Variants in SIK2 observed in about 807,000 individuals in gnomAD.
SIK2 encodes salt inducible kinase 2, also known as serine/threonine-protein kinase SIK2.
In SIK2, 29 loss-of-function variants were observed where a neutral mutation model predicts 103.2. The observed-to-expected ratio is 0.28, with a 90% confidence interval of 0.21 to 0.38. The LOEUF is 0.38. SIK2 is among the 10% of genes least tolerant of loss of function. The pLI, the probability that SIK2 is intolerant of heterozygous loss-of-function variation, is 1.00. For synonymous variants in SIK2, 412 were observed against 446.1 expected (o/e 0.92, Z 0.96); for missense variants, 879 against 1,171.0 (o/e 0.75, Z 3.64).
intron 3 of SIK2, among the ~76,000 whole-genome samples, chr11:111,679,219 A>G (rs957170167): frequency 1.3e-5 from 2 of 152,238 alleles, no homozygotes; most frequent in African/African-American, 4.8e-5. Context: ...AAGTTTGACT[A>G]TATTTGCCTT....
chr11:111,628,416 A>ATCTTTCTC (rs1941989828), intron 3 of SIK2, among the ~76,000 whole-genome samples: 1 of 125,574 alleles, frequency 8.0e-6, no homozygotes. Flanking sequence ...CCGCTTTCAT[A>ATCTTTCTC]TCTTTCTTTC....
chr11:111,721,148 T>G, intron 12 of SIK2, 86 bp downstream of exon 12: 1 of 1,463,292 alleles, frequency 6.8e-7, no homozygotes, highest in African/African-American at 1.4e-5. Flanking sequence ...ACTTAGAGGA[T>G]TTCCTCCAGT....
At position 111,730,593 on chromosome 11, in the gene SIK2, CTTTTT is replaced by C. The variant is rs200758304; in HGVS notation, c.*6468_*6472del. The C allele has an allele frequency of 2.0e-5, 3 of 150,742 alleles. No homozygotes were observed. Among genetic ancestry groups the C allele is most frequent in the African/African-American group, 7.3e-5 (3 of 40,832 alleles). The allele number at this position is 150,742 out of a possible 1,614,324, so 9.3% of individuals were successfully genotyped here. ...TAACTGTAGTTATATTTTCTGTGTG[CTTTTT>C]TTTAATTACTAAGAAAAAAATTGGT... On this transcript the variant is annotated 3_prime_UTR_variant, in exon 15 of 15. Transcript: ENST00000304987.
chr11:111,724,427 C>T lies in SIK2; in HGVS notation c.*298C>T. The T allele has an allele frequency of 2.4e-6, 1 of 411,554 alleles. No homozygotes were observed. Among genetic ancestry groups the T allele is most frequent in the South Asian group, 3.3e-5 (1 of 30,436 alleles). 25.5% of individuals were successfully genotyped at this position (411,554 alleles called of 1,614,324 possible). A position where few individuals can be genotyped will look rare whatever the true frequency, so the allele number is the denominator to read the frequency against. On this transcript the variant is annotated 3_prime_UTR_variant, in exon 15 of 15. Transcript: ENST00000304987. ...ACTGACAAATGTGTTCCTAAGAAGA[C>T]ATTCAGACCCAGGTGTTATGCAGGA...
intron 4 of SIK2, among the ~76,000 whole-genome samples, chr11:111,692,983 A>C (rs563689486): frequency 6.6e-6 from 1 of 152,282 alleles, no homozygotes; most frequent in Admixed American, 6.5e-5. Context: ...CATTTTAATA[A>C]ATAACAGAAA....
rs546484216 is a variant in SIK2 at position 111,674,748 on chromosome 11, A to G, written c.317-13253A>G. 1.8e-3 allele frequency among the ~76,000 whole-genome samples: 275 copies of G among 151,846 alleles called. 1 individual carries two copies. Among genetic ancestry groups the G allele is most frequent in the Non-Finnish European group, 1.3e-3 (90 of 67,916 alleles). ...ATACCAGTCATATTTCTACTGTGAT[A>G]ATTTTTTTTTTTTTTTGAGACGGAG... is the stretch of plus-strand genomic sequence containing the variant. On this transcript the variant is annotated intron_variant, in intron 3 of 14. Coordinates refer to ENST00000304987, the MANE Select transcript of SIK2 (RefSeq NM_015191.3).
intron 3 of SIK2, among the ~76,000 whole-genome samples, chr11:111,668,112 T>C (rs1339254541): frequency 6.6e-6 from 1 of 151,966 alleles, no homozygotes. Context: ...AGGGTGGAGA[T>C]ATTCAGAGGG....
chr11:111,721,774 T>C, intron 12 of SIK2, 56 bp from the exon 13 acceptor site: 2 of 1,395,504 alleles, frequency 1.4e-6, no homozygotes, highest in Non-Finnish European at 2.0e-6. Flanking sequence ...AGCTAAGAAC[T>C]GAGACGTTTT....
chr11:111,651,232 GT>G (rs2135863796), intron 3 of SIK2, among the ~76,000 whole-genome samples: 1 of 152,228 alleles, frequency 6.6e-6, no homozygotes, highest in East Asian at 1.9e-4. Context: ...AAACTTGCTT[GT>G]ATTTAGTTGT....
chr11:111,616,264 A>C lies in SIK2; in HGVS notation c.157A>C (p.Lys53Gln). 6.2e-7 allele frequency: 1 copy of C among 1,612,848 alleles called. No homozygotes were observed. Among genetic ancestry groups the C allele is most frequent in the Non-Finnish European group, 8.5e-7 (1 of 1,179,106 alleles). ...KTEVAIKIID[K>Q]SQLDAVNLEK... ...GCAGGTGGCAATAAAAATAATCGAT[A>C]AGTCTCAGCTGGATGCAGTGAACCT... The change falls in exon 2 of 15, where the codon AAG becomes CAG. Residue 53 changes from lysine (K) to glutamine (Q), a missense_variant. Physicochemically the swap from Lys to Gln is moderately conservative, Grantham distance 53 (BLOSUM62 1). This residue lies in a region of SIK2 where 126 missense variants were observed against 245.5 expected (regional missense o/e 0.51). Transcript: ENST00000304987.
intron 3 of SIK2, among the ~76,000 whole-genome samples, chr11:111,652,536 A>G (rs1013550706): frequency 6.6e-6 from 1 of 152,222 alleles, no homozygotes; most frequent in African/African-American, 2.4e-5. Context: ...GATGTGAATG[A>G]GAGTAACTTG....
In SIK2 at chr11:111,712,276, C is replaced by T. The variant is rs771794017; in HGVS notation, c.1167C>T (p.Leu389=). ...SPNMRLLRSA[L]LPQASNVEAF... is the part of the protein sequence containing the mutation. Reference sequence around the variant, plus strand: ...ACATGAGGCTGCTGCGATCTGCCCTCCTCCCCCAGGCATCCAACGTGGAGG... The same window carrying T: ...ACATGAGGCTGCTGCGATCTGCCCTTCTCCCCCAGGCATCCAACGTGGAGG... Residue 389 remains leucine, a synonymous_variant, in exon 9 of 15, where the codon CTC becomes CTT. Coordinates refer to ENST00000304987, the MANE Select transcript of SIK2 (RefSeq NM_015191.3). The T allele has an allele frequency of 6.2e-7, 1 of 1,614,230 alleles. No individual in the cohort carries two copies. Among genetic ancestry groups the T allele is most frequent in the Admixed American group, 1.7e-5 (1 of 60,030 alleles).
In SIK2 at chr11:111,602,995, C is replaced by T. The variant is rs531086339; in HGVS notation, c.135+297C>T. Among the ~76,000 whole-genome samples the T allele has an allele frequency of 5.9e-5, 9 of 152,228 alleles. No individual in the cohort carries two copies. Among genetic ancestry groups the T allele is most frequent in the Admixed American group, 3.3e-4 (5 of 15,312 alleles). ...CACCCGGAATTTCGCCCAGAGCCCC[C>T]CACCCGGGCCGTGACCTGGTCTGTG... is the stretch of plus-strand genomic sequence containing the variant. On this transcript the variant is annotated intron_variant, in intron 1 of 14. Coordinates refer to ENST00000304987, the MANE Select transcript of SIK2 (RefSeq NM_015191.3). The surrounding 1 kb of genome is among the most constrained non-coding windows in gnomAD (Gnocchi z 4.5).
intron 3 of SIK2, among the ~76,000 whole-genome samples, chr11:111,655,391 G>A (rs533439246): frequency 2.0e-5 from 3 of 152,274 alleles, no homozygotes; most frequent in South Asian, 4.1e-4. Flanking sequence ...GCAACAGAGC[G>A]AGACTCTGTC....
rs1031473390 is a variant in SIK2, at chr11:111,602,484, C to T, written c.-80C>T. The T allele has an allele frequency of 1.2e-5, 16 of 1,364,004 alleles. No homozygotes were observed. The South Asian group carries it at 2.2e-4, about 19-fold the overall frequency. The allele number at this position is 1,364,004 out of a possible 1,614,324, so 84.5% of individuals were successfully genotyped here. A position where few individuals can be genotyped will look rare whatever the true frequency, so the allele number is the denominator to read the frequency against. On this transcript the variant is annotated 5_prime_UTR_variant, in exon 1 of 15. Transcript: ENST00000304987. This position sits in a 1 kb window ranked among gnomAD's most constrained non-coding sequence, Gnocchi z 4.5. ...GGAGCGAAGGAGCAAGCGGAGCGGC[C>T]GTCGCCCAAGCCAAGCCGCGCTGCC...
Position 111,712,283 on chromosome 11 carries a change from C to A in SIK2, c.1174C>A (p.Gln392Lys). Residue 392 changes from glutamine to lysine, a missense_variant, in exon 9 of 15, where the codon CAG becomes AAG. This residue lies in a region of SIK2 where 222 missense variants were observed against 258.0 expected (regional missense o/e 0.86). Transcript: ENST00000304987. Reference protein sequence around the residue: ...MRLLRSALLPQASNVEAFSFP... With the variant: ...MRLLRSALLPKASNVEAFSFP... ...GCTGCTGCGATCTGCCCTCCTCCCCCAGGCATCCAACGTGGAGGCCTTTTC... is the reference window on the plus strand; with the variant it reads ...GCTGCTGCGATCTGCCCTCCTCCCCAAGGCATCCAACGTGGAGGCCTTTTC... 2 of 1,614,256 alleles carry A rather than the reference C, an allele frequency of 1.2e-6. No homozygotes were observed. The highest frequency in any genetic ancestry group is 1.7e-6 in the Non-Finnish European group (2 of 1,180,038).
intron 3 of SIK2, among the ~76,000 whole-genome samples, chr11:111,668,474 TG>T (rs1398414425): frequency 6.6e-6 from 1 of 152,234 alleles, no homozygotes; most frequent in Admixed American, 6.5e-5. Context: ...GGTTTGGTTT[TG>T]GTAGTCACCA....
At position 111,705,605 on chromosome 11, in the gene SIK2, C is replaced by T. The variant is rs1052404752; in HGVS notation, c.1101+466C>T. On this transcript the variant is annotated intron_variant, in intron 8 of 14. Transcript: ENST00000304987. The surrounding 1 kb of genome is among the most constrained non-coding windows in gnomAD (Gnocchi z 4.3). ...AGAGCAGGGACAGGGGAGAGAGGGG[C>T]ACATCTGAACAGGGGGAATGGCATG... Among the ~76,000 whole-genome samples, 1 of 152,004 alleles carries T rather than the reference C, an allele frequency of 6.6e-6. No individual in the cohort carries two copies. Among genetic ancestry groups the T allele is most frequent in the African/African-American group, 2.4e-5 (1 of 41,382 alleles).
At chr11:111,673,001 A>G (rs1242791860) in intron 3 of SIK2, among the ~76,000 whole-genome samples, 1 of 152,228 alleles carries the variant, frequency 6.6e-6, no homozygotes. Flanking sequence ...ACGAATAATG[A>G]TTGGAAACCC....
Sources: gnomAD v4.1 joint callset for allele counts (sites outside exome capture counted in the v4.1 genomes callset) on GRCh38, gnomAD v4.1.1 for gene constraint, gnomAD v4.1.1 regional missense constraint, Gnocchi (gnomAD v3.1) non-coding constraint, MANE v1.5 for transcripts, NCBI Gene and HGNC (gene_info 2026-07-23, HGNC 2026-07-21) for gene names.